The following ZDHHC13 variants were observed in gnomAD, a reference collection of about 807,000 sequenced individuals.
ZDHHC13 encodes palmitoyltransferase ZDHHC13.
A neutral mutation model predicts 86.0 loss-of-function variants in ZDHHC13; 85 were observed. That is an observed-to-expected ratio of 0.99 (90% confidence interval 0.83 to 1.18). The LOEUF (loss-of-function observed/expected upper bound fraction) is 1.18. Ranked by LOEUF, ZDHHC13 falls within the 50% of genes most tolerant of loss-of-function variation. ZDHHC13 has a pLI of 0.00. For missense variants in ZDHHC13, 711 were observed against 730.2 expected (o/e 0.97, Z 0.30); for synonymous variants, 263 against 246.4 (o/e 1.07, Z -0.63).
chr11:19,126,222 C>G (rs1243726350), intron 1 of ZDHHC13, among the ~76,000 whole-genome samples: 1 of 152,070 alleles, frequency 6.6e-6, no homozygotes, highest in South Asian at 2.1e-4. Flanking sequence ...ATTTCCTTAC[C>G]CAAGTATTAA....
rs139580151 is a variant in ZDHHC13 at position 19,129,240 on chromosome 11, TTTA to T, written c.27+11967_27+11969del. Reference sequence around the variant, plus strand: ...ACTTCTTTTCTAATCTGTATGCATTTTTATTCTTTTTCCTATTTTATTATGCTG... The same window carrying T: ...ACTTCTTTTCTAATCTGTATGCATTTTTCTTTTTCCTATTTTATTATGCTG... On this transcript the variant is annotated intron_variant, in intron 1 of 16. Coordinates refer to ENST00000446113, the MANE Select transcript of ZDHHC13 (RefSeq NM_019028.3). Among the ~76,000 whole-genome samples the T allele has an allele frequency of 5.8e-3, 882 of 152,340 alleles. 26 individuals are homozygous for T. The East Asian group carries it at 0.086, about 15-fold the overall frequency.
At position 19,164,429 on chromosome 11, in the gene ZDHHC13, G is replaced by C. The variant is rs530959869; in HGVS notation, c.1296+66G>C. Reference sequence around the variant, plus strand: ...AGTCTTGGTAACGTTGCTGATGTAAGCATTTGTCAGATCTTCATGGTATAT... The same window carrying C: ...AGTCTTGGTAACGTTGCTGATGTAACCATTTGTCAGATCTTCATGGTATAT... On this transcript the variant is annotated intron_variant, in intron 12 of 16. Coordinates refer to ENST00000446113, the MANE Select transcript of ZDHHC13 (RefSeq NM_019028.3). The C allele has an allele frequency of 6.9e-6, 10 of 1,449,814 alleles. No homozygotes were observed. In the South Asian group the frequency reaches 1.2e-4, roughly 17 times the overall value. The allele number at this position is 1,449,814 out of a possible 1,614,324, so 89.8% of individuals were successfully genotyped here.
chr11:19,175,772 C>T, intron 16 of ZDHHC13, 50 bp from the exon 17 acceptor site: 1 of 1,591,360 alleles, frequency 6.3e-7, no homozygotes, highest in Non-Finnish European at 8.5e-7. Flanking sequence ...GTTTGTCAAG[C>T]TACACAGGAA....
chr11:19,169,757 A>G (rs527485551), intron 14 of ZDHHC13: 3 of 985,496 alleles, frequency 3.0e-6, no homozygotes, highest in Non-Finnish European at 2.4e-6. Context: ...ATGAAAGGCC[A>G]TAGTAAAGTT....
chr11:19,173,320 C>T (rs1166666595), intron 16 of ZDHHC13, among the ~76,000 whole-genome samples: 2 of 152,108 alleles, frequency 1.3e-5, no homozygotes, highest in African/African-American at 4.8e-5. Context: ...GATTTGTTCC[C>T]CCTGGAGCAT....
At chr11:19,138,609 A>T (rs1849216806) in intron 1 of ZDHHC13, among the ~76,000 whole-genome samples, 1 of 151,678 alleles carries the variant, frequency 6.6e-6, no homozygotes, top group South Asian at 2.1e-4. Flanking sequence ...AGACACAACC[A>T]AAAAAGAGAA....
chr11:19,170,365 A>G, intron 14 of ZDHHC13, 46 bp from the exon 15 acceptor site: 2 of 1,348,392 alleles, frequency 1.5e-6, no homozygotes, highest in Non-Finnish European at 2.0e-6. Flanking sequence ...ACTGATAAGT[A>G]GTTTATTGCC....
intron 16 of ZDHHC13, among the ~76,000 whole-genome samples, chr11:19,175,560 C>A (rs1850341848): frequency 6.6e-6 from 1 of 151,906 alleles, no homozygotes; most frequent in Admixed American, 6.6e-5. Context: ...AGTGGGGAAT[C>A]CAAAATGAAG....
At chr11:19,130,590 C>A (rs544581646) in intron 1 of ZDHHC13, among the ~76,000 whole-genome samples, 3 of 152,208 alleles carry the variant, frequency 2.0e-5, no homozygotes, top group Admixed American at 2.0e-4. Flanking sequence ...CTTCTTGTAT[C>A]CACTTCGAGT....
In ZDHHC13 at chr11:19,170,524, C is replaced by G; in HGVS notation, c.1588C>G (p.His530Asp). 35 of 1,531,700 alleles carry G rather than the reference C, an allele frequency of 2.3e-5. No individual in the cohort carries two copies. The highest frequency in any genetic ancestry group is 3.1e-5 in the Non-Finnish European group (35 of 1,141,936). 94.9% of individuals were successfully genotyped at this position (1,531,700 alleles called of 1,614,324 possible). A position where few individuals can be genotyped will look rare whatever the true frequency, so the allele number is the denominator to read the frequency against. Residue 530 changes from histidine (H) to aspartate (D), a missense_variant, in exon 15 of 17, where the codon CAT becomes GAT. His to Asp is a moderately conservative substitution (Grantham distance 81). Coordinates refer to ENST00000446113, the MANE Select transcript of ZDHHC13 (RefSeq NM_019028.3). ...VLYILMLATF[H>D]FSWSTFLLLN... ...ATATATCTTGATGCTAGCAACTTTC[C>G]ATTTCTCATGGTCAACATTTTTATT...
chr11:19,159,803 G>A (rs1849861008), intron 10 of ZDHHC13, among the ~76,000 whole-genome samples: 2 of 151,894 alleles, frequency 1.3e-5, no homozygotes, highest in Admixed American at 6.6e-5. Context: ...CTAGAAATGG[G>A]GAGAGGGGTT....
rs928362918 is a variant in ZDHHC13, at chr11:19,146,212, G to T, written c.205G>T (p.Val69Leu). ...AATTTTTGAACGATGTAAAGAGTTG[G>T]TAGAAGCAGGATATGATGTCAGGCA... ...YGIFERCKEL[V>L]EAGYDVRQPD... The change falls in exon 3 of 17, where the codon GTA (valine) becomes TTA (leucine). Residue 69 changes from valine (V) to leucine (L), a missense_variant. By Grantham distance (32) the Val-to-Leu change is conservative. Coordinates refer to ENST00000446113, the MANE Select transcript of ZDHHC13 (RefSeq NM_019028.3). The T allele has an allele frequency of 6.2e-7, 1 of 1,609,342 alleles. No individual in the cohort carries two copies. Among genetic ancestry groups the T allele is most frequent in the African/African-American group, 1.3e-5 (1 of 74,880 alleles).
rs112896980 is a variant in ZDHHC13, at chr11:19,152,681, C to G, written c.870C>G (p.Cys290Trp). ...KFRLWRWLQK[C>W]ELFLLLMLSV... ...GACTTTGGAGGTGGCTGCAGAAATG[C>G]GAGGTATTTTCATATGGGGTCTTTT... The change falls in exon 8 of 17, where the codon TGC (cysteine) becomes TGG (tryptophan). Residue 290 changes from cysteine (C) to tryptophan (W), a missense_variant. Transcript: ENST00000446113. The G allele has an allele frequency of 6.2e-7, 1 of 1,612,834 alleles. No individual in the cohort carries two copies. Among genetic ancestry groups the G allele is most frequent in the Admixed American group, 1.7e-5 (1 of 59,984 alleles).
chr11:19,159,010 T>C lies in ZDHHC13; in HGVS notation c.1078T>C (p.Phe360Leu). 1 of 1,549,112 alleles carries C rather than the reference T, an allele frequency of 6.5e-7. No homozygotes were observed. The highest frequency in any genetic ancestry group is 1.2e-5 in the South Asian group (1 of 83,814). Reference sequence around the variant, plus strand: ...TCTGCTAAGTTCTGTTTTTTGGATATTTATGACTTGGTTCATCTTATTTTT... The same window carrying C: ...TCTGCTAAGTTCTGTTTTTTGGATACTTATGACTTGGTTCATCTTATTTTT... ...AFLLSSVFWI[F>L]MTWFILFFPD... Residue 360 changes from phenylalanine to leucine, a missense_variant, in exon 10 of 17, where the codon TTT becomes CTT. Physicochemically the swap from Phe to Leu is conservative, Grantham distance 22 (BLOSUM62 0). Transcript: ENST00000446113.
At chr11:19,164,450 T>C in intron 12 of ZDHHC13, 87 bp downstream of exon 12, 1 of 1,291,540 alleles carries the variant, frequency 7.7e-7, no homozygotes, top group Non-Finnish European at 1.1e-6. Flanking sequence ...ATCTTCATGG[T>C]ATATTTATAC....
chr11:19,122,389 A>AT (rs1421733380), intron 1 of ZDHHC13, among the ~76,000 whole-genome samples: 1 of 151,922 alleles, frequency 6.6e-6, no homozygotes, highest in Non-Finnish European at 1.5e-5. Flanking sequence ...CTGATCTGCT[A>AT]TTTTCTTATT....
At chr11:19,165,575 C>G (rs7118828) in intron 13 of ZDHHC13, among the ~76,000 whole-genome samples, 14 of 152,154 alleles carry the variant, frequency 9.2e-5, no homozygotes, top group African/African-American at 3.1e-4. Flanking sequence ...GCTCCCATCT[C>G]CAGCATTGAG....
At chr11:19,165,411 A>C (rs1850035612) in intron 13 of ZDHHC13, among the ~76,000 whole-genome samples, 1 of 152,182 alleles carries the variant, frequency 6.6e-6, no homozygotes, top group Non-Finnish European at 1.5e-5. Flanking sequence ...GAGAAGTTAA[A>C]ACACTTAACT....
intron 15 of ZDHHC13, among the ~76,000 whole-genome samples, chr11:19,171,368 A>T (rs1850216323): frequency 6.6e-6 from 1 of 152,210 alleles, no homozygotes; most frequent in African/African-American, 2.4e-5. Flanking sequence ...TAATTAGAGC[A>T]TTACTCAACC....
Sources: allele counts gnomAD v4.1 joint callset (sites outside exome capture counted in the v4.1 genomes callset), GRCh38; gene constraint gnomAD v4.1.1; transcripts MANE v1.5; gene names NCBI Gene and HGNC (gene_info 2026-07-23, HGNC 2026-07-21).